SPMIP2: variants seen among roughly 807,000 people sequenced by gnomAD.
SPMIP2 encodes protein SPMIP2.
chr4:159,038,237 G>C, the SPMIP2 span, among the ~76,000 whole-genome samples: 1 of 152,150 alleles, frequency 6.6e-6, no homozygotes, highest in Non-Finnish European at 1.5e-5. Context: ...CACCATCATG[G>C]TTATGCCATT....
chr4:158,904,392 AT>A, the SPMIP2 span: 1 of 1,340,234 alleles, frequency 7.5e-7, no homozygotes, highest in South Asian at 1.2e-5. Context: ...ATACTTTCTC[AT>A]AAAAAGAAAT....
the SPMIP2 span, among the ~76,000 whole-genome samples, chr4:158,953,716 A>C: frequency 6.6e-6 from 1 of 152,236 alleles, no homozygotes; most frequent in Non-Finnish European, 1.5e-5. Context: ...GCAAAGCCAC[A>C]GGGGTGGAGC....
the SPMIP2 span, among the ~76,000 whole-genome samples, chr4:159,048,731 C>CTTTTTTTTTTTTTTTTTTTT: frequency 9.0e-6 from 1 of 111,470 alleles, no homozygotes; most frequent in African/African-American, 3.5e-5. Context: ...TCCCCTTCCA[C>CTTTTTTTTTTTTTTTTTTTT]TTTTTTTTTT....
chr4:159,067,061 A>T, the SPMIP2 span, among the ~76,000 whole-genome samples: 1 of 152,342 alleles, frequency 6.6e-6, no homozygotes, highest in African/African-American at 2.4e-5. Flanking sequence ...TATAAAGCAT[A>T]CAAGAAAGCA....
chr4:158,937,664 G>T, the SPMIP2 span: 1 of 154,290 alleles, frequency 6.5e-6, no homozygotes, highest in Non-Finnish European at 1.5e-5. Context: ...TTTAGACATT[G>T]TCTTGGGCAG....
At chr4:159,017,047 C>T in the SPMIP2 span, among the ~76,000 whole-genome samples, 5 of 152,076 alleles carry the variant, frequency 3.3e-5, no homozygotes, top group Non-Finnish European at 5.9e-5. Context: ...AGATGTTGCC[C>T]TCAGCAGCCC....
the SPMIP2 span, among the ~76,000 whole-genome samples, chr4:159,016,645 G>GGTT: frequency 6.6e-6 from 1 of 152,078 alleles, no homozygotes; most frequent in African/African-American, 2.4e-5. Flanking sequence ...AACCCCTTGT[G>GGTT]GTTGCAGCCT....
At chr4:159,082,301 C>A in the SPMIP2 span, among the ~76,000 whole-genome samples, 2 of 151,906 alleles carry the variant, frequency 1.3e-5, no homozygotes, top group East Asian at 3.8e-4. Context: ...CCATTGCACT[C>A]CAGCCTGGGT....
chr4:159,044,830 G>A, the SPMIP2 span, among the ~76,000 whole-genome samples: 3 of 152,340 alleles, frequency 2.0e-5, no homozygotes, highest in African/African-American at 4.8e-5. Context: ...GATGGCTCAC[G>A]CCTATGATCC....
the SPMIP2 span, among the ~76,000 whole-genome samples, chr4:158,984,648 T>G: frequency 6.6e-6 from 1 of 150,944 alleles, no homozygotes; most frequent in Non-Finnish European, 1.5e-5. Flanking sequence ...TAGAGGGAAA[T>G]TTATAGCACT....
At chr4:158,917,402 G>T in the SPMIP2 span, among the ~76,000 whole-genome samples, 1 of 151,998 alleles carries the variant, frequency 6.6e-6, no homozygotes, top group Non-Finnish European at 1.5e-5. Context: ...ACTCCAGCCT[G>T]GGTGACAGAG....
At chr4:158,916,003 T>C in the SPMIP2 span, among the ~76,000 whole-genome samples, 2 of 152,260 alleles carry the variant, frequency 1.3e-5, no homozygotes, top group African/African-American at 4.8e-5. Flanking sequence ...GGACTTCTTA[T>C]TCACCATCCT....
chr4:158,954,984 G>A, the SPMIP2 span, among the ~76,000 whole-genome samples: 1 of 151,898 alleles, frequency 6.6e-6, no homozygotes, highest in Non-Finnish European at 1.5e-5. Flanking sequence ...TAGAAATACT[G>A]TAGGTATACA....
At chr4:159,021,023 A>T in the SPMIP2 span, among the ~76,000 whole-genome samples, 1 of 152,172 alleles carries the variant, frequency 6.6e-6, no homozygotes, top group Admixed American at 6.5e-5. Flanking sequence ...AGCCGCCCAA[A>T]GTCCTAGGAT....
the SPMIP2 span, chr4:158,909,472 A>G: frequency 6.6e-6 from 1 of 152,072 alleles, no homozygotes; most frequent in Non-Finnish European, 1.5e-5. Context: ...GCACGTGCAC[A>G]CAAGAGTGCT....
At chr4:158,987,961 G>A in the SPMIP2 span, among the ~76,000 whole-genome samples, 1 of 152,002 alleles carries the variant, frequency 6.6e-6, no homozygotes, top group Non-Finnish European at 1.5e-5. Context: ...CCAGGAGCTG[G>A]TTTTTTGAAA....
At chr4:158,920,822 T>C in the SPMIP2 span, among the ~76,000 whole-genome samples, 31 of 152,348 alleles carry the variant, frequency 2.0e-4, no homozygotes, top group African/African-American at 7.2e-4. Context: ...CTCAGAAGCA[T>C]GTGATCTTTG....
the SPMIP2 span, among the ~76,000 whole-genome samples, chr4:158,999,195 C>A: frequency 0.97 from 145,901 of 150,536 alleles, 70,812 homozygotes; most frequent in Non-Finnish European, 1. Context: ...CAAAAAAAAA[C>A]CCAAAAAAAC....
At chr4:158,929,540 G>A in the SPMIP2 span, among the ~76,000 whole-genome samples, 1 of 151,942 alleles carries the variant, frequency 6.6e-6, no homozygotes, top group East Asian at 1.9e-4. Flanking sequence ...TTCCCTTGTT[G>A]TATCTTTTAG....
Sources: gnomAD v4.1 joint callset for allele counts (sites outside exome capture counted in the v4.1 genomes callset) on GRCh38, gnomAD v4.1.1 for gene constraint, MANE v1.5 for transcripts, NCBI Gene and HGNC (gene_info 2026-07-23, HGNC 2026-07-21) for gene names.